SETBP1: variants seen among roughly 807,000 people sequenced by gnomAD.
SETBP1 encodes SET-binding protein.
Under a neutral mutation model 101.0 loss-of-function variants are expected in SETBP1, and 9 were observed. That is an observed-to-expected ratio of 0.09 (90% CI 0.05 to 0.16). The LOEUF is 0.16. SETBP1 is among the 10% of genes least tolerant of loss of function. The pLI, the probability that SETBP1 is intolerant of heterozygous loss-of-function variation, is 1.00. For synonymous variants in SETBP1, 818 were observed against 788.5 expected, an observed-to-expected ratio of 1.04 and a Z score of -0.63; for missense variants, 1,858 against 2,033.8, an observed-to-expected ratio of 0.91 and a Z score of 1.66.
At chr18:44,684,613 G>A (rs1489864937) in intron 1 of SETBP1, among the ~76,000 whole-genome samples, 1 of 150,212 alleles carries the variant, frequency 6.7e-6, no homozygotes, top group African/African-American at 2.4e-5. Context: ...CCCATTAGAG[G>A]GTACCATCTA....
chr18:44,937,181 G>A (rs1391547075), intron 3 of SETBP1, among the ~76,000 whole-genome samples: 1 of 151,970 alleles, frequency 6.6e-6, no homozygotes, highest in African/African-American at 2.4e-5. Flanking sequence ...GGCCGGGCGC[G>A]GTGGCTCACG....
intron 3 of SETBP1, among the ~76,000 whole-genome samples, chr18:44,907,407 T>G (rs183401735): frequency 1.1e-4 from 16 of 152,340 alleles, no homozygotes; most frequent in Admixed American, 2.0e-4. Context: ...AATTTTACAC[T>G]TAACTTTTTG....
At chr18:44,836,658 G>A (rs987622324) in intron 2 of SETBP1, among the ~76,000 whole-genome samples, 1 of 152,172 alleles carries the variant, frequency 6.6e-6, no homozygotes, top group Non-Finnish European at 1.5e-5. Context: ...TACTAGTCTG[G>A]GAAATTCTAG....
intron 4 of SETBP1, among the ~76,000 whole-genome samples, chr18:45,038,246 G>A (rs1360390184): frequency 6.6e-6 from 1 of 152,178 alleles, no homozygotes; most frequent in Admixed American, 6.5e-5. Context: ...GGCCTATGCT[G>A]TGACCCCACC....
chr18:44,895,279 G>A (rs71356463), intron 3 of SETBP1, among the ~76,000 whole-genome samples: 1 of 79,354 alleles, frequency 1.3e-5, no homozygotes, highest in Non-Finnish European at 2.6e-5. Context: ...GAGGGAGGGG[G>A]AGGGAAGGAG....
chr18:44,849,835 T>G (rs1161397546), intron 2 of SETBP1, among the ~76,000 whole-genome samples: 1 of 152,234 alleles, frequency 6.6e-6, no homozygotes, highest in East Asian at 1.9e-4. Flanking sequence ...ATAAACAAGA[T>G]TTATATGATG....
At chr18:44,744,676 G>C (rs1246575073) in intron 2 of SETBP1, among the ~76,000 whole-genome samples, 1 of 151,926 alleles carries the variant, frequency 6.6e-6, no homozygotes, top group Non-Finnish European at 1.5e-5. Context: ...CGCAGTCTTT[G>C]CATGAGTGTG....
intron 4 of SETBP1, among the ~76,000 whole-genome samples, chr18:45,012,122 A>G (rs925387988): frequency 1.3e-5 from 2 of 152,182 alleles, no homozygotes; most frequent in Non-Finnish European, 2.9e-5. Flanking sequence ...ATTTGTTTGA[A>G]TCATATATGG....
At position 44,950,145 on chromosome 18, in the gene SETBP1, A is replaced by T; in HGVS notation, c.805A>T (p.Ser269Cys). The change falls in exon 4 of 6, where the codon AGT (serine) becomes TGT (cysteine). Residue 269 changes from serine to cysteine, a missense_variant. By Grantham distance (112) the Ser-to-Cys change is moderately radical. Coordinates refer to ENST00000649279, the MANE Select transcript of SETBP1 (RefSeq NM_015559.3). ...TGCAAAGGCCCAGGGTAAGAAAGGC[A>T]GTGCAGGGAACACGTGGAGTCAGTT... ...SFAKAQGKKG[S>C]AGNTWSQLSN... 2 of 1,613,936 alleles carry T rather than the reference A, an allele frequency of 1.2e-6. No individual in the cohort carries two copies. Among genetic ancestry groups the T allele is most frequent in the Admixed American group, 3.3e-5 (2 of 60,034 alleles).
chr18:44,680,868 GA>G (rs1355435967), upstream of SETBP1: 2 of 71,068 alleles, frequency 2.8e-5, no homozygotes, highest in Non-Finnish European at 5.3e-5. Context: ...GGGAAGGCAG[GA>G]TTTTTTTTTT....
chr18:44,703,539 G>A (rs1356476695), intron 2 of SETBP1, among the ~76,000 whole-genome samples: 1 of 151,718 alleles, frequency 6.6e-6, no homozygotes, highest in Non-Finnish European at 1.5e-5. Flanking sequence ...AGACTTTCTA[G>A]GGTGACTGAC....
At chr18:44,899,394 G>T (rs1387331067) in intron 3 of SETBP1, among the ~76,000 whole-genome samples, 1 of 152,154 alleles carries the variant, frequency 6.6e-6, no homozygotes, top group Non-Finnish European at 1.5e-5. Flanking sequence ...GGGTCCTGGT[G>T]ATTTAACAAG....
chr18:44,792,267 C>A (rs1241838091), intron 2 of SETBP1, among the ~76,000 whole-genome samples: 2 of 152,098 alleles, frequency 1.3e-5, no homozygotes, highest in Non-Finnish European at 2.9e-5. Flanking sequence ...GCTTGGCCTG[C>A]ACGGAAATAT....
intron 2 of SETBP1, among the ~76,000 whole-genome samples, chr18:44,768,066 C>T (rs140119485): frequency 1.4e-3 from 211 of 152,276 alleles, no homozygotes; most frequent in African/African-American, 5.0e-3. Context: ...AAGATTCATG[C>T]GTCTTTCACT....
At chr18:44,854,795 C>G (rs182622588) in intron 2 of SETBP1, among the ~76,000 whole-genome samples, 57 of 152,274 alleles carry the variant, frequency 3.7e-4, no homozygotes, top group African/African-American at 1.2e-3. Context: ...ATATTACCCC[C>G]CATATCTCTC....
chr18:45,054,530 C>T (rs1003822086), intron 5 of SETBP1, among the ~76,000 whole-genome samples: 3 of 152,140 alleles, frequency 2.0e-5, no homozygotes, highest in Non-Finnish European at 4.4e-5. Context: ...AGAAAATCCC[C>T]CAGACTTAAA....
At chr18:44,870,384 G>A (rs1428149786) in intron 3 of SETBP1, 2 of 152,174 alleles carry the variant, frequency 1.3e-5, no homozygotes, top group Non-Finnish European at 2.9e-5. Flanking sequence ...GGTGACAGTG[G>A]GAGGCTAGAG....
intron 4 of SETBP1, among the ~76,000 whole-genome samples, chr18:45,003,120 T>C (rs2072650531): frequency 6.6e-6 from 1 of 152,230 alleles, no homozygotes; most frequent in South Asian, 2.1e-4. Context: ...TCTGAAATTA[T>C]CTCCAGAGAT....
chr18:44,825,387 G>A (rs998652989), intron 2 of SETBP1, among the ~76,000 whole-genome samples: 11 of 152,170 alleles, frequency 7.2e-5, no homozygotes, highest in Admixed American at 3.9e-4. Context: ...TTAACCGAGA[G>A]CACAGGTTTA....
Sources: gnomAD v4.1 joint callset for allele counts (sites outside exome capture counted in the v4.1 genomes callset) on GRCh38, gnomAD v4.1.1 for gene constraint, MANE v1.5 for transcripts, NCBI Gene and HGNC (gene_info 2026-07-23, HGNC 2026-07-21) for gene names.